FKTN: variants seen among roughly 807,000 people sequenced by gnomAD.
FKTN encodes the protein ribitol-5-phosphate transferase FKTN.
A neutral mutation model predicts 58.6 loss-of-function variants in FKTN; 47 were observed. That is an observed-to-expected ratio of 0.80 (90% confidence interval 0.63 to 1.02). FKTN has a LOEUF of 1.02. FKTN is among the 50% of genes least tolerant of loss of function. The pLI, the probability that FKTN is intolerant of heterozygous loss-of-function variation, is 0.00. For synonymous variants in FKTN, 178 were observed against 191.9 expected, an observed-to-expected ratio of 0.93 and a Z score of 0.60; for missense variants, 516 against 537.3, an observed-to-expected ratio of 0.96 and a Z score of 0.39.
intron 1 of FKTN, among the ~76,000 whole-genome samples, chr9:105,567,741 C>T (rs1255239634): frequency 6.6e-6 from 1 of 152,200 alleles, no homozygotes; most frequent in Non-Finnish European, 1.5e-5. Context: ...GATTCAGTGC[C>T]ATCCCCATCA....
intron 7 of FKTN, among the ~76,000 whole-genome samples, chr9:105,612,249 T>C (rs1204300116): frequency 6.6e-6 from 1 of 152,094 alleles, no homozygotes; most frequent in East Asian, 1.9e-4. Flanking sequence ...TGAAAATTTG[T>C]TTAAGTTCCT....
At position 105,608,244 on chromosome 9, in the gene FKTN, T is replaced by G. The variant is rs185055834; in HGVS notation, c.780+293T>G. ...CTGCCTTAAGATAGCCCATTAACTT[T>G]GTGAAAGGTGGTGTATTCTCAGTCC... On this transcript the variant is annotated intron_variant, in intron 7 of 10. Coordinates refer to ENST00000357998, the MANE Select transcript of FKTN (RefSeq NM_001079802.2). Among the ~76,000 whole-genome samples the G allele has an allele frequency of 1.4e-4, 22 of 152,324 alleles. No individual in the cohort carries two copies. The East Asian group carries it at 3.5e-3, about 24-fold the overall frequency.
chr9:105,585,859 G>A (rs1028478761), intron 3 of FKTN, among the ~76,000 whole-genome samples: 22 of 152,278 alleles, frequency 1.4e-4, no homozygotes, highest in East Asian at 7.7e-4. Context: ...ATAGGTTAGC[G>A]TCATCAACAT....
At chr9:105,576,288 G>C (rs1297824495) in intron 3 of FKTN, among the ~76,000 whole-genome samples, 2 of 151,764 alleles carry the variant, frequency 1.3e-5, no homozygotes, top group African/African-American at 4.8e-5. Flanking sequence ...TCTAGCATTA[G>C]GTATATCTCC....
intron 5 of FKTN, among the ~76,000 whole-genome samples, chr9:105,602,349 C>T (rs1029964220): frequency 6.6e-6 from 1 of 152,080 alleles, no homozygotes; most frequent in African/African-American, 2.4e-5. Context: ...CCAAAAATAT[C>T]CCCCCAAATT....
intron 4 of FKTN, chr9:105,600,918 C>T: frequency 2.3e-6 from 1 of 439,506 alleles, no homozygotes; most frequent in Non-Finnish European, 4.1e-6. Flanking sequence ...TTTCTTGTAG[C>T]ATATTTCACC....
intron 7 of FKTN, 110 bp from the exon 8 acceptor site, chr9:105,615,168 G>A (rs1301148457): frequency 1.8e-5 from 21 of 1,186,824 alleles, no homozygotes; most frequent in Non-Finnish European, 2.5e-5. Flanking sequence ...ACAGGCGTGA[G>A]CCACTGTGCC....
At chr9:105,611,763 T>G (rs980616993) in intron 7 of FKTN, among the ~76,000 whole-genome samples, 1 of 152,216 alleles carries the variant, frequency 6.6e-6, no homozygotes, top group Non-Finnish European at 1.5e-5. Context: ...GCATTTAGAT[T>G]GATTCCATGC....
rs139026437 is a variant in FKTN at position 105,564,666 on chromosome 9, G to A, written c.-181+6501G>A. 8.5e-3 allele frequency among the ~76,000 whole-genome samples: 1,302 copies of A among 152,290 alleles called. 12 individuals are homozygous for A. The highest frequency in any genetic ancestry group is 0.024 in the Middle Eastern group (7 of 294). Reference sequence around the variant, plus strand: ...GACTATGTGAAAAGACCAAATCTGCGTCCGATTGGTGTACCTGAAAGTGAC... The same window carrying A: ...GACTATGTGAAAAGACCAAATCTGCATCCGATTGGTGTACCTGAAAGTGAC... On this transcript the variant is annotated intron_variant, in intron 1 of 10. Coordinates refer to ENST00000357998, the MANE Select transcript of FKTN (RefSeq NM_001079802.2).
chr9:105,604,134 T>G lies in FKTN; in HGVS notation c.370-81T>G, dbSNP rs1425037302. ...CTCAAGTTCAATATAAGAATCACTT[T>G]AGTTTTGCTACTAGTATTTGGCTTT... On this transcript the variant is annotated intron_variant, in intron 5 of 10. Coordinates refer to ENST00000357998, the MANE Select transcript of FKTN (RefSeq NM_001079802.2). 19 of 1,398,882 alleles carry G rather than the reference T, an allele frequency of 1.4e-5. No homozygotes were observed. In the East Asian group the frequency reaches 4.3e-4, roughly 32 times the overall value. 86.7% of individuals were successfully genotyped at this position (1,398,882 alleles called of 1,614,324 possible).
Position 105,635,963 on chromosome 9 carries a change from A to G in FKTN, c.*699A>G, listed in dbSNP as rs2133458572. 1 of 985,826 alleles carries G rather than the reference A, an allele frequency of 1.0e-6. No individual in the cohort carries two copies. Among genetic ancestry groups the G allele is most frequent in the Non-Finnish European group, 1.2e-6 (1 of 830,232 alleles). 61.1% of individuals were successfully genotyped at this position (985,826 alleles called of 1,614,324 possible). The stretch of plus-strand genomic sequence containing the variant: ...TGAGAAGAAACTTTATGCTTGTTTA[A>G]TGCTTAAATTTCCATCCATTGTGAG... On this transcript the variant is annotated 3_prime_UTR_variant, in exon 11 of 11. Transcript: ENST00000357998.
intron 3 of FKTN, among the ~76,000 whole-genome samples, chr9:105,585,654 A>G (rs1843772478): frequency 6.6e-6 from 1 of 152,212 alleles, no homozygotes; most frequent in Admixed American, 6.5e-5. Flanking sequence ...CTTCTGACAT[A>G]GGAAGAGAAC....
chr9:105,600,514 A>G (rs1443699705), intron 4 of FKTN, among the ~76,000 whole-genome samples: 2 of 152,036 alleles, frequency 1.3e-5, no homozygotes, highest in African/African-American at 4.8e-5. Flanking sequence ...TGTTTTTTTC[A>G]GTAGGGGACC....
chr9:105,598,202 C>CT (rs1564276448), intron 4 of FKTN: 1 of 441,980 alleles, frequency 2.3e-6, no homozygotes, highest in Non-Finnish European at 4.6e-6. Context: ...TCTTTATACT[C>CT]TTTTACATTG....
At chr9:105,604,595 A>T in intron 6 of FKTN, 103 bp downstream of exon 6, 1 of 917,504 alleles carries the variant, frequency 1.1e-6, no homozygotes, top group South Asian at 1.5e-5. Context: ...TATAATTTAT[A>T]TAAGTATTTA....
rs373497611 is a variant in FKTN, at chr9:105,604,169, A to T, written c.370-46A>T. ...ACTAGTATTTGGCTTTAAATATTCA[A>T]TGTTTAAGTGTTGTTTCTTGATGTT... is the stretch of plus-strand genomic sequence containing the variant. On this transcript the variant is annotated intron_variant, in intron 5 of 10. Transcript: ENST00000357998. 2.2e-5 allele frequency: 35 copies of T among 1,598,202 alleles called. No homozygotes were observed. The African/African-American group carries it at 4.7e-4, about 21-fold the overall frequency.
At chr9:105,598,060 G>A (rs1280115860) in intron 4 of FKTN, 8 of 431,068 alleles carry the variant, frequency 1.9e-5, no homozygotes, top group Non-Finnish European at 2.8e-5. Context: ...GAAAAAAGTA[G>A]CGTGACTCTA....
chr9:105,615,340 G>A lies in FKTN; in HGVS notation c.843G>A (p.Leu281=). 2 of 1,613,658 alleles carry A rather than the reference G, an allele frequency of 1.2e-6. No individual in the cohort carries two copies. Among genetic ancestry groups the A allele is most frequent in the East Asian group, 2.2e-5 (1 of 44,882 alleles). ...VAFRKSAKEL[L]QLAAKTLNKL... is the part of the protein sequence containing the mutation. ...TTCGGAAGAGTGCAAAGGAATTACT[G>A]CAACTAGCAGCGAAAACATTAAACA... is the stretch of plus-strand genomic sequence containing the variant. Residue 281 remains leucine (L), a synonymous_variant, in exon 8 of 11, where the codon CTG becomes CTA. Coordinates refer to ENST00000357998, the MANE Select transcript of FKTN (RefSeq NM_001079802.2).
chr9:105,632,262 CTG>C (rs1833550115), intron 10 of FKTN, among the ~76,000 whole-genome samples: 1 of 151,718 alleles, frequency 6.6e-6, no homozygotes, highest in Non-Finnish European at 1.5e-5. Flanking sequence ...ACTCTGGGGA[CTG>C]TTGTGGGGTG....
Sources: allele counts gnomAD v4.1 joint callset (sites outside exome capture counted in the v4.1 genomes callset), GRCh38; gene constraint gnomAD v4.1.1; transcripts MANE v1.5; gene names NCBI Gene and HGNC (gene_info 2026-07-23, HGNC 2026-07-21).